The following ZDHHC7 variants were observed in gnomAD, a reference collection of about 807,000 sequenced individuals.
ZDHHC7 encodes palmitoyltransferase ZDHHC7.
Under a neutral mutation model 34.1 loss-of-function variants are expected in ZDHHC7, and 12 were observed. That is an observed-to-expected ratio of 0.35 (90% CI 0.23 to 0.57). The LOEUF (loss-of-function observed/expected upper bound fraction) is 0.57. Among genes scored for constraint, ZDHHC7 ranks in the 20% least tolerant of loss-of-function variants. The probability of loss-of-function intolerance (pLI) is 0.84; values close to 1 mark genes in which losing one functional copy is unlikely to be tolerated. For missense variants in ZDHHC7, 388 were observed against 402.7 expected (o/e 0.96, Z 0.31); for synonymous variants, 185 against 155.4 (o/e 1.19, Z -1.42).
At chr16:85,024,944 A>G in the ZDHHC7 span, among the ~76,000 whole-genome samples, 1 of 152,196 alleles carries the variant, frequency 6.6e-6, no homozygotes, top group Non-Finnish European at 1.5e-5. Context: ...AGCTGAGACA[A>G]TATAAGCCTA....
intron 1 of ZDHHC7, among the ~76,000 whole-genome samples, chr16:84,999,383 T>C (rs1453337972): frequency 1.3e-5 from 2 of 152,008 alleles, no homozygotes; most frequent in African/African-American, 2.4e-5. Context: ...CCAAGAAAAA[T>C]AAATATAAAT....
intron 1 of ZDHHC7, among the ~76,000 whole-genome samples, chr16:84,998,638 G>A (rs1428965734): frequency 6.6e-6 from 1 of 152,020 alleles, no homozygotes; most frequent in African/African-American, 2.4e-5. Context: ...CACACCGACT[G>A]CAAGATCCCT....
the ZDHHC7 span, among the ~76,000 whole-genome samples, chr16:85,020,659 G>A: frequency 6.6e-6 from 1 of 152,180 alleles, no homozygotes; most frequent in Non-Finnish European, 1.5e-5. Context: ...GCGAGGGTCA[G>A]TGTGTGGAGG....
At chr16:85,012,100 G>C (rs571795847), upstream of ZDHHC7, among the ~76,000 whole-genome samples, 32 of 152,308 alleles carry the variant, frequency 2.1e-4, no homozygotes, top group Admixed American at 5.9e-4. Context: ...TGTATTTTAA[G>C]GCCGGGCGCG....
chr16:85,018,173 A>T, the ZDHHC7 span, among the ~76,000 whole-genome samples: 3 of 152,152 alleles, frequency 2.0e-5, no homozygotes, highest in Non-Finnish European at 2.9e-5. Flanking sequence ...ATGTGAAACT[A>T]CTGCCCAGAA....
At chr16:85,008,502 AC>A (rs61339076) in intron 1 of ZDHHC7, among the ~76,000 whole-genome samples, 12 of 137,248 alleles carry the variant, frequency 8.7e-5, no homozygotes, top group African/African-American at 2.0e-4. Flanking sequence ...CACCACCTAC[AC>A]CCCCCCCCAA....
At chr16:85,011,732 A>C (rs1438273006), upstream of ZDHHC7, among the ~76,000 whole-genome samples, 2 of 152,184 alleles carry the variant, frequency 1.3e-5, no homozygotes, top group Non-Finnish European at 2.9e-5. Flanking sequence ...AGGAGAAAGG[A>C]TAGGGGCTAC....
intron 2 of ZDHHC7, among the ~76,000 whole-genome samples, chr16:84,993,557 G>C (rs558200824): frequency 6.1e-4 from 93 of 151,614 alleles, no homozygotes; most frequent in Non-Finnish European, 1.1e-3. Flanking sequence ...TGGAAGGATC[G>C]CATGAGACTG....
At chr16:84,985,952 C>CAAAA (rs58315276) in intron 3 of ZDHHC7, among the ~76,000 whole-genome samples, 593 of 53,958 alleles carry the variant, frequency 0.011, 44 homozygotes, top group African/African-American at 0.024. Context: ...GAGACTGTCT[C>CAAAA]AAAAAAAAAA....
At chr16:84,979,423 C>T (rs913635275) in intron 4 of ZDHHC7, 138 bp from the exon 5 acceptor site, 2 of 1,265,982 alleles carry the variant, frequency 1.6e-6, no homozygotes, top group African/African-American at 3.1e-5. Flanking sequence ...TACATTCTCA[C>T]TATATTCCTT....
chr16:85,001,323 T>A (rs2072649682), intron 1 of ZDHHC7, among the ~76,000 whole-genome samples: 1 of 151,886 alleles, frequency 6.6e-6, no homozygotes, highest in Non-Finnish European at 1.5e-5. Context: ...ATACAAAAAT[T>A]AGCCAGGCAT....
At chr16:84,997,592 T>A (rs1438136930) in intron 1 of ZDHHC7, among the ~76,000 whole-genome samples, 2 of 150,378 alleles carry the variant, frequency 1.3e-5, no homozygotes, top group East Asian at 2.0e-4. Context: ...TTAAACAGAA[T>A]TGGACAAAAG....
intron 1 of ZDHHC7, among the ~76,000 whole-genome samples, 154 bp downstream of exon 1, chr16:85,011,132 G>A (rs556570914): frequency 6.6e-6 from 1 of 152,236 alleles, no homozygotes; most frequent in Non-Finnish European, 1.5e-5. Context: ...GTGCGGGCAC[G>A]GAGGTGCCCC....
intron 1 of ZDHHC7, among the ~76,000 whole-genome samples, chr16:85,003,447 G>A (rs2072678133): frequency 6.6e-6 from 1 of 152,252 alleles, no homozygotes; most frequent in Non-Finnish European, 1.5e-5. Context: ...GCAGTGAGCT[G>A]ATGGCGACTG....
the ZDHHC7 span, among the ~76,000 whole-genome samples, chr16:85,022,320 A>G: frequency 2.6e-5 from 4 of 151,986 alleles, no homozygotes; most frequent in Admixed American, 2.6e-4. Context: ...CAGGAGTTCG[A>G]GACCAGCCTG....
chr16:84,991,053 G>T (rs987363763), intron 2 of ZDHHC7, among the ~76,000 whole-genome samples: 52 of 152,264 alleles, frequency 3.4e-4, no homozygotes, highest in African/African-American at 1.2e-3. Context: ...TCCCAAGCAG[G>T]TGCTCGGCAC....
At chr16:85,003,072 T>A (rs948627920) in intron 1 of ZDHHC7, among the ~76,000 whole-genome samples, 5 of 151,970 alleles carry the variant, frequency 3.3e-5, no homozygotes, top group African/African-American at 9.7e-5. Flanking sequence ...GCCAGGATGA[T>A]GGGCTAGAAA....
chr16:84,999,554 T>TA (rs1292786213), intron 1 of ZDHHC7, among the ~76,000 whole-genome samples: 1 of 152,160 alleles, frequency 6.6e-6, no homozygotes, highest in Non-Finnish European at 1.5e-5. Context: ...ATATTACTGA[T>TA]ACAAGCAACA....
upstream of ZDHHC7, among the ~76,000 whole-genome samples, chr16:85,016,379 T>G (rs1424482983): frequency 6.6e-6 from 1 of 152,100 alleles, no homozygotes; most frequent in Non-Finnish European, 1.5e-5. Context: ...GCATTGCCTG[T>G]GCTTTTAGTT....
Sources: gnomAD v4.1 joint callset for allele counts (sites outside exome capture counted in the v4.1 genomes callset) on GRCh38, gnomAD v4.1.1 for gene constraint, MANE v1.5 for transcripts, NCBI Gene and HGNC (gene_info 2026-07-23, HGNC 2026-07-21) for gene names.